Variants in ADGRL3 observed in about 807,000 individuals in gnomAD.
ADGRL3 encodes calcium-independent alpha-latrotoxin receptor 3.
ADGRL3 carries 62 observed loss-of-function variants against 153.5 expected under a neutral mutation model. The ratio of observed to expected loss-of-function variants is 0.40; its 90% CI spans 0.33 to 0.50. The LOEUF is 0.50. Ranked by LOEUF, ADGRL3 falls within the 20% of genes least tolerant of loss-of-function variation. The probability of loss-of-function intolerance (pLI) is 0.47; values close to 1 mark genes in which losing one functional copy is unlikely to be tolerated. For synonymous variants in ADGRL3, 710 were observed against 672.5 expected (o/e 1.06, Z -0.86); for missense variants, 1,641 against 1,859.4 (o/e 0.88, Z 2.16).
chr4:61,894,926 A>G (rs535849849), intron 10 of ADGRL3, among the ~76,000 whole-genome samples: 9 of 152,314 alleles, frequency 5.9e-5, no homozygotes, highest in African/African-American at 2.2e-4. Context: ...AAGGGAGTTT[A>G]TGATCTGGTT....
chr4:61,738,170 C>T (rs1027729804), intron 8 of ADGRL3, among the ~76,000 whole-genome samples: 8 of 152,070 alleles, frequency 5.3e-5, no homozygotes, highest in South Asian at 2.1e-4. Flanking sequence ...TGAGAACATA[C>T]GATGTTTTCC....
chr4:61,393,357 C>G (rs975958190), intron 2 of ADGRL3, among the ~76,000 whole-genome samples: 1 of 151,872 alleles, frequency 6.6e-6, no homozygotes, highest in Non-Finnish European at 1.5e-5. Flanking sequence ...ACTAAGTAAT[C>G]CAGAAGCTTA....
At chr4:61,866,418 C>T (rs1351530502) in intron 9 of ADGRL3, among the ~76,000 whole-genome samples, 2 of 152,126 alleles carry the variant, frequency 1.3e-5, no homozygotes, top group Non-Finnish European at 2.9e-5. Context: ...GTGTGTTCTT[C>T]ATGTTCACGC....
intron 17 of ADGRL3, among the ~76,000 whole-genome samples, chr4:61,965,146 C>G (rs1036566473): frequency 2.0e-5 from 3 of 151,942 alleles, no homozygotes; most frequent in Non-Finnish European, 4.4e-5. Context: ...TATAAGCACC[C>G]ACCACCATGC....
chr4:61,497,099 C>T (rs1185774911), intron 2 of ADGRL3, 22 bp from the exon 3 acceptor site: 73 of 499,840 alleles, frequency 1.5e-4, no homozygotes, highest in Admixed American at 6.6e-4. Flanking sequence ...TACAATAACC[C>T]TTTTTTTTTT....
intron 1 of ADGRL3, among the ~76,000 whole-genome samples, chr4:61,274,702 T>G (rs192631635): frequency 6.6e-6 from 1 of 152,032 alleles, no homozygotes; most frequent in East Asian, 1.9e-4. Context: ...GGCAGGAGGA[T>G]TGCTTGAGGC....
chr4:61,720,143 G>A (rs751852357), intron 6 of ADGRL3, among the ~76,000 whole-genome samples: 1 of 148,618 alleles, frequency 6.7e-6, no homozygotes, highest in Non-Finnish European at 1.5e-5. Flanking sequence ...AGGCTGGAGT[G>A]CAGTGGTTCA....
chr4:61,253,373 A>G (rs2091642685), intron 1 of ADGRL3, among the ~76,000 whole-genome samples: 1 of 152,198 alleles, frequency 6.6e-6, no homozygotes, highest in Non-Finnish European at 1.5e-5. Flanking sequence ...ATTCATTACC[A>G]GACCCCTTGA....
At chr4:61,294,010 G>A (rs894021759) in intron 1 of ADGRL3, among the ~76,000 whole-genome samples, 3 of 152,170 alleles carry the variant, frequency 2.0e-5, no homozygotes, top group African/African-American at 7.2e-5. Flanking sequence ...GGTATGGACA[G>A]TCCCCAACTT....
chr4:61,624,327 A>G (rs2092706032), intron 5 of ADGRL3, among the ~76,000 whole-genome samples: 1 of 152,134 alleles, frequency 6.6e-6, no homozygotes, highest in African/African-American at 2.4e-5. Flanking sequence ...GGGAGCTATG[A>G]TAGCATTTTA....
intron 5 of ADGRL3, among the ~76,000 whole-genome samples, chr4:61,614,112 G>A (rs544206543): frequency 1.8e-4 from 28 of 152,150 alleles, no homozygotes; most frequent in Middle Eastern, 3.4e-3. Context: ...AAATAAAAAA[G>A]TACTGCTGCT....
intron 2 of ADGRL3, among the ~76,000 whole-genome samples, chr4:61,496,591 G>C (rs560762954): frequency 1.3e-5 from 2 of 151,728 alleles, no homozygotes; most frequent in Non-Finnish European, 2.9e-5. Flanking sequence ...GCAGTGAGCC[G>C]AGATCGTGCC....
At chr4:61,391,665 T>A (rs2096803930) in intron 2 of ADGRL3, among the ~76,000 whole-genome samples, 1 of 152,078 alleles carries the variant, frequency 6.6e-6, no homozygotes, top group Non-Finnish European at 1.5e-5. Flanking sequence ...TTCTATTACC[T>A]GTTTTGTTCC....
At chr4:61,991,911 A>G (rs903503983) in intron 19 of ADGRL3, among the ~76,000 whole-genome samples, 1 of 148,054 alleles carries the variant, frequency 6.8e-6, no homozygotes, top group Non-Finnish European at 1.5e-5. Flanking sequence ...ACATTTATAT[A>G]TAAATATATT....
At chr4:61,821,509 T>G (rs1172679354) in intron 9 of ADGRL3, among the ~76,000 whole-genome samples, 1 of 152,156 alleles carries the variant, frequency 6.6e-6, no homozygotes, top group East Asian at 1.9e-4. Flanking sequence ...ATTACAGGCA[T>G]GCACCACCAT....
At chr4:61,247,634 T>C (rs1334225494) in intron 1 of ADGRL3, among the ~76,000 whole-genome samples, 1 of 152,072 alleles carries the variant, frequency 6.6e-6, no homozygotes, top group African/African-American at 2.4e-5. Flanking sequence ...GGTTTTCTAA[T>C]TAAACAACGG....
chr4:61,529,020 T>G (rs2098595710), intron 4 of ADGRL3, among the ~76,000 whole-genome samples: 1 of 152,128 alleles, frequency 6.6e-6, no homozygotes, highest in Non-Finnish European at 1.5e-5. Flanking sequence ...GATGCCATAA[T>G]GGATGTCACT....
chr4:61,283,854 T>G (rs768280782), intron 1 of ADGRL3, among the ~76,000 whole-genome samples: 9 of 152,016 alleles, frequency 5.9e-5, no homozygotes, highest in Non-Finnish European at 1.3e-4. Flanking sequence ...CCGTGCATTT[T>G]TGCCCAAATT....
At position 61,909,695 on chromosome 4, in the gene ADGRL3, C is replaced by T. The variant is rs1047688064; in HGVS notation, c.2023C>T (p.Arg675Trp). Residue 675 changes from arginine (R) to tryptophan (W), a missense_variant, in exon 12 of 27, where the codon CGG becomes TGG. This residue lies in a region of ADGRL3 where 734 missense variants were observed against 797.0 expected (regional missense o/e 0.92). Transcript: ENST00000683033. ...QLVGLLDVQL[R>W]NLTPGGKDSA... ...GGTAGGCCTCCTAGATGTACAGCTT[C>T]GGAACTTGACCCCAGGTGGAAAAGA... 3.1e-6 allele frequency: 5 copies of T among 1,589,202 alleles called. No individual in the cohort carries two copies. The highest frequency in any genetic ancestry group is 2.3e-5 in the South Asian group (2 of 87,592).
Sources: allele counts gnomAD v4.1 joint callset (sites outside exome capture counted in the v4.1 genomes callset), GRCh38; gene constraint gnomAD v4.1.1; regional missense constraint gnomAD v4.1.1; transcripts MANE v1.5; gene names NCBI Gene and HGNC (gene_info 2026-07-23, HGNC 2026-07-21).